The following NTM variants were observed in gnomAD, a reference collection of about 807,000 sequenced individuals.
NTM encodes the protein neurotrimin, also known as IgLON family member 2.
Under a neutral mutation model 42.1 loss-of-function variants are expected in NTM, and 13 were observed. That is an observed-to-expected ratio of 0.31 (90% CI 0.20 to 0.49). The LOEUF is 0.49. Ranked by LOEUF, NTM falls within the 20% of genes least tolerant of loss-of-function variation. The pLI, the probability that NTM is intolerant of heterozygous loss-of-function variation, is 0.99. For synonymous variants in NTM, 187 were observed against 179.2 expected, an observed-to-expected ratio of 1.04 and a Z score of -0.35; for missense variants, 373 against 452.8, an observed-to-expected ratio of 0.82 and a Z score of 1.60.
At chr11:132,311,529 T>TC (rs1370558664) in intron 6 of NTM, among the ~76,000 whole-genome samples, 5 of 152,192 alleles carry the variant, frequency 3.3e-5, no homozygotes, top group Non-Finnish European at 5.9e-5. Flanking sequence ...AGCGTGTTTT[T>TC]CTGATAAATA....
chr11:131,880,045 C>G (rs1197244039), intron 1 of NTM, among the ~76,000 whole-genome samples: 1 of 152,158 alleles, frequency 6.6e-6, no homozygotes, highest in Non-Finnish European at 1.5e-5. Context: ...CTGGAGACAT[C>G]GAAACATCAA....
intron 1 of NTM, among the ~76,000 whole-genome samples, chr11:131,695,758 C>T (rs913925215): frequency 4.5e-4 from 69 of 152,174 alleles, no homozygotes; most frequent in African/African-American, 1.5e-3. Context: ...CTTACATGGA[C>T]GTTTCCCACG....
At chr11:132,010,121 G>A (rs1406210948) in intron 2 of NTM, among the ~76,000 whole-genome samples, 4 of 152,074 alleles carry the variant, frequency 2.6e-5, no homozygotes, top group South Asian at 2.1e-4. Flanking sequence ...TCCTCACCAC[G>A]GCTGTTCATG....
chr11:132,210,956 G>GGA (rs376029776), intron 3 of NTM, among the ~76,000 whole-genome samples: 2,390 of 151,714 alleles, frequency 0.016, 31 homozygotes, highest in Non-Finnish European at 0.025. Flanking sequence ...AGAAGGTGGG[G>GGA]GAGAGAGAGA....
chr11:132,146,738 A>G lies in NTM; in HGVS notation c.400+224A>G. On this transcript the variant is annotated intron_variant, in intron 3 of 8. Transcript: ENST00000683400. This position sits in a 1 kb window ranked among gnomAD's most constrained non-coding sequence, Gnocchi z 4.5. ...TTTTTTTCATTTTTGTTCCAATAAT[A>G]TATTTTCTCAGGAAATTATCTTGTA... is the stretch of plus-strand genomic sequence containing the variant. 1 of 468,206 alleles carries G rather than the reference A, an allele frequency of 2.1e-6. No homozygotes were observed. Among genetic ancestry groups the G allele is most frequent in the South Asian group, 5.2e-5 (1 of 19,092 alleles). The allele number at this position is 468,206 out of a possible 1,614,324, so 29.0% of individuals were successfully genotyped here. A position where few individuals can be genotyped will look rare whatever the true frequency, so the allele number is the denominator to read the frequency against.
chr11:131,681,548 C>T lies in NTM; in HGVS notation c.83-230016C>T, dbSNP rs1211500539. Among the ~76,000 whole-genome samples the T allele has an allele frequency of 9.1e-4, 14 of 15,448 alleles. 3 individuals carry two copies. Among genetic ancestry groups the T allele is most frequent in the African/African-American group, 2.1e-3 (14 of 6,668 alleles). The allele number at this position is 15,448 out of a possible 152,430, so 10.1% of individuals were successfully genotyped here. On this transcript the variant is annotated intron_variant, in intron 1 of 8. Coordinates refer to ENST00000683400, the MANE Select transcript of NTM (RefSeq NM_001352005.2). ...GTGTATGTCTCCCTGTGTATGTGAG[C>T]GTGTGTATTTCTGTGTCTGTGTGTA...
chr11:132,001,820 G>A (rs912559889), intron 2 of NTM, among the ~76,000 whole-genome samples: 1 of 151,852 alleles, frequency 6.6e-6, no homozygotes, highest in African/African-American at 2.4e-5. Flanking sequence ...TCGGTCAACA[G>A]TGTAAAATGA....
chr11:131,968,407 A>T (rs542465544), intron 2 of NTM, among the ~76,000 whole-genome samples: 16 of 152,208 alleles, frequency 1.1e-4, no homozygotes, highest in African/African-American at 3.6e-4. Context: ...TGATCCTCTA[A>T]ACTTGGCGTC....
At chr11:131,548,749 A>T (rs1187553910) in intron 1 of NTM, among the ~76,000 whole-genome samples, 1 of 152,186 alleles carries the variant, frequency 6.6e-6, no homozygotes, top group African/African-American at 2.4e-5. Context: ...GTCTCTTAGT[A>T]TATCTAAATC....
chr11:131,934,212 G>A (rs998091350), intron 2 of NTM, among the ~76,000 whole-genome samples: 1 of 152,026 alleles, frequency 6.6e-6, no homozygotes, highest in Non-Finnish European at 1.5e-5. Context: ...TTTTTTCCTG[G>A]TGAATGAGAA....
At chr11:131,371,661 C>T (rs2135458700) in intron 1 of NTM, among the ~76,000 whole-genome samples, 1 of 152,288 alleles carries the variant, frequency 6.6e-6, no homozygotes, top group African/African-American at 2.4e-5. Context: ...GTGTTCTGTG[C>T]ATTTGGAATC....
At chr11:132,247,080 C>T (rs1008347288) in intron 4 of NTM, among the ~76,000 whole-genome samples, 1 of 152,204 alleles carries the variant, frequency 6.6e-6, no homozygotes, top group African/African-American at 2.4e-5. Context: ...CTTTGGGAAA[C>T]CTTCCTGGGC....
intron 7 of NTM, among the ~76,000 whole-genome samples, chr11:132,329,307 C>T (rs1408870256): frequency 6.6e-6 from 1 of 152,180 alleles, no homozygotes; most frequent in Non-Finnish European, 1.5e-5. Context: ...GAGATCATTC[C>T]AAATTCAGGC....
chr11:131,845,133 A>C (rs930184645), intron 1 of NTM, among the ~76,000 whole-genome samples: 5 of 152,196 alleles, frequency 3.3e-5, no homozygotes, highest in Non-Finnish European at 7.3e-5. Flanking sequence ...CTTTAGATTC[A>C]TGGTTTTCTT....
intron 2 of NTM, among the ~76,000 whole-genome samples, chr11:132,001,829 GA>G (rs2069344467): frequency 6.6e-6 from 1 of 151,858 alleles, no homozygotes; most frequent in African/African-American, 2.4e-5. Context: ...AGTGTAAAAT[GA>G]GATGACAAAA....
At chr11:131,928,344 A>G (rs1220219429) in intron 2 of NTM, among the ~76,000 whole-genome samples, 1 of 152,240 alleles carries the variant, frequency 6.6e-6, no homozygotes, top group Admixed American at 6.5e-5. Context: ...GGCACTAAAC[A>G]AGTTATTTCA....
intron 1 of NTM, among the ~76,000 whole-genome samples, chr11:131,513,364 A>T (rs1007155652): frequency 1.4e-4 from 21 of 152,190 alleles, no homozygotes; most frequent in African/African-American, 4.8e-4. Flanking sequence ...GGGTTTCCAT[A>T]GGAGGCACCC....
intron 1 of NTM, among the ~76,000 whole-genome samples, chr11:131,492,713 A>G (rs753038886): frequency 6.6e-6 from 1 of 152,210 alleles, no homozygotes; most frequent in Non-Finnish European, 1.5e-5. Flanking sequence ...TGTCTGGAGC[A>G]TGAATATCAA....
At chr11:132,181,455 T>G (rs113596024) in intron 3 of NTM, among the ~76,000 whole-genome samples, 2 of 152,216 alleles carry the variant, frequency 1.3e-5, no homozygotes, top group Non-Finnish European at 2.9e-5. Context: ...GCAGACAACT[T>G]GAGCTCAGTG....
Sources: gnomAD v4.1 joint callset for allele counts (sites outside exome capture counted in the v4.1 genomes callset) on GRCh38, gnomAD v4.1.1 for gene constraint, Gnocchi (gnomAD v3.1) non-coding constraint, MANE v1.5 for transcripts, NCBI Gene and HGNC (gene_info 2026-07-23, HGNC 2026-07-21) for gene names.